ZNF503: variants seen among roughly 807,000 people sequenced by gnomAD.
ZNF503 encodes NocA-like zinc finger 2.
ZNF503 carries 15 observed loss-of-function variants against 34.4 expected under a neutral mutation model. That is an observed-to-expected ratio of 0.44 (90% confidence interval 0.29 to 0.67). ZNF503 has a LOEUF of 0.67. ZNF503 is among the 30% of genes least tolerant of loss of function. The probability of loss-of-function intolerance (pLI) is 0.13; values close to 1 mark genes in which losing one functional copy is unlikely to be tolerated. For missense variants in ZNF503, 1,007 were observed against 926.8 expected, an observed-to-expected ratio of 1.09 and a Z score of -1.12; for synonymous variants, 580 against 456.8, an observed-to-expected ratio of 1.27 and a Z score of -3.44.
At chr10:75,312,997 T>A in the ZNF503 span, among the ~76,000 whole-genome samples, 243 of 152,346 alleles carry the variant, frequency 1.6e-3, no homozygotes, top group African/African-American at 5.7e-3. Context: ...CCTGACACCA[T>A]GTAAGATGTG....
the ZNF503 span, among the ~76,000 whole-genome samples, chr10:75,322,306 T>A: frequency 6.6e-6 from 1 of 151,880 alleles, no homozygotes; most frequent in Admixed American, 6.6e-5. Context: ...TGTATTTTAG[T>A]AGAGACAGGG....
In ZNF503 at chr10:75,399,385, G is replaced by A; in HGVS notation, c.1305C>T (p.Tyr435=). ...SLCRDPYCLS[Y]HCASHLAGAA... The stretch of plus-strand genomic sequence containing the variant: ...CCCCTGCCAGGTGGCTAGCGCAGTG[G>A]TAGCTGAGGCAGTAAGGGTCCCGGC... Residue 435 remains tyrosine, a synonymous_variant, in exon 2 of 2, where the codon TAC becomes TAT. Coordinates refer to ENST00000372524, the MANE Select transcript of ZNF503 (RefSeq NM_032772.6). The A allele has an allele frequency of 1.2e-6, 2 of 1,606,368 alleles. No homozygotes were observed. Among genetic ancestry groups the A allele is most frequent in the South Asian group, 2.2e-5 (2 of 90,732 alleles).
At chr10:75,393,703 A>G (rs1454423298), downstream of ZNF503, among the ~76,000 whole-genome samples, 1 of 152,042 alleles carries the variant, frequency 6.6e-6, no homozygotes, top group Admixed American at 6.6e-5. Flanking sequence ...CTAAAACTAC[A>G]AAAAATTTAG....
chr10:75,282,781 G>A, the ZNF503 span, among the ~76,000 whole-genome samples: 6 of 152,294 alleles, frequency 3.9e-5, no homozygotes, highest in East Asian at 1.2e-3. Flanking sequence ...GTTGGGTCTT[G>A]GTGTCCTTGT....
the ZNF503 span, among the ~76,000 whole-genome samples, chr10:75,281,720 G>T: frequency 3.9e-5 from 6 of 152,152 alleles, 1 homozygote; most frequent in Non-Finnish European, 7.3e-5. Context: ...CAAAGAAGAG[G>T]CCACAGCTTG....
chr10:75,323,935 C>A, the ZNF503 span, among the ~76,000 whole-genome samples: 3 of 143,786 alleles, frequency 2.1e-5, no homozygotes, highest in East Asian at 6.1e-4. Flanking sequence ...CTGCCTCAGC[C>A]TGCAAGATTG....
chr10:75,325,659 A>G, the ZNF503 span, among the ~76,000 whole-genome samples: 3 of 152,242 alleles, frequency 2.0e-5, no homozygotes, highest in Non-Finnish European at 2.9e-5. Flanking sequence ...TAAAAAGTAT[A>G]TGGAGATTTT....
chr10:75,396,073 G>A (rs1843693059), downstream of ZNF503, among the ~76,000 whole-genome samples: 2 of 152,226 alleles, frequency 1.3e-5, no homozygotes, highest in South Asian at 2.1e-4. This position sits in a 1 kb window ranked among gnomAD's most constrained non-coding sequence, Gnocchi z 4.4. Context: ...TGGCTTTCAG[G>A]TCCTGAGCTG....
chr10:75,401,484 G>T lies in ZNF503; in HGVS notation c.-65C>A. ...CCGGGAGGCGCGGGGCGGGCTCGGG[G>T]CTGCGCGCTCGCCCCGGGAGCAGGA... On this transcript the variant is annotated 5_prime_UTR_variant, in exon 1 of 2. Transcript: ENST00000372524. 1 of 1,477,812 alleles carries T rather than the reference G, an allele frequency of 6.8e-7. No homozygotes were observed. Among genetic ancestry groups the T allele is most frequent in the Non-Finnish European group, 8.9e-7 (1 of 1,121,938 alleles). 91.5% of individuals were successfully genotyped at this position (1,477,812 alleles called of 1,614,324 possible). A position where few individuals can be genotyped will look rare whatever the true frequency, so the allele number is the denominator to read the frequency against.
the ZNF503 span, among the ~76,000 whole-genome samples, chr10:75,355,620 A>T: frequency 1.3e-5 from 2 of 152,154 alleles, no homozygotes; most frequent in Non-Finnish European, 2.9e-5. Context: ...GTGCTTGGGA[A>T]TTTCTTCAGT....
chr10:75,390,946 A>G, the ZNF503 span, among the ~76,000 whole-genome samples: 1 of 152,198 alleles, frequency 6.6e-6, no homozygotes, highest in African/African-American at 2.4e-5. Flanking sequence ...GCCTTCTTAC[A>G]TGGCCTGTCT....
chr10:75,344,399 A>T, the ZNF503 span, among the ~76,000 whole-genome samples: 1 of 152,254 alleles, frequency 6.6e-6, no homozygotes, highest in East Asian at 1.9e-4. Context: ...AAGGAAGACC[A>T]GATGGCACAG....
chr10:75,377,406 T>C, the ZNF503 span, among the ~76,000 whole-genome samples: 2 of 152,224 alleles, frequency 1.3e-5, no homozygotes, highest in Non-Finnish European at 1.5e-5. Flanking sequence ...ATTTCATTCG[T>C]TGGTCTAATC....
At chr10:75,386,372 G>A in the ZNF503 span, among the ~76,000 whole-genome samples, 1 of 152,172 alleles carries the variant, frequency 6.6e-6, no homozygotes, top group Admixed American at 6.5e-5. Context: ...CATTACCTGA[G>A]AGAGAAATGT....
the ZNF503 span, among the ~76,000 whole-genome samples, chr10:75,370,975 C>T: frequency 6.6e-6 from 1 of 152,074 alleles, no homozygotes; most frequent in Non-Finnish European, 1.5e-5. Flanking sequence ...AAAGAGATGT[C>T]CTGGCTTTCG....
chr10:75,288,927 AG>A, the ZNF503 span, among the ~76,000 whole-genome samples: 1 of 152,008 alleles, frequency 6.6e-6, no homozygotes, highest in Admixed American at 6.5e-5. Flanking sequence ...CGCTTGGTTG[AG>A]GGGGGCTGAT....
At chr10:75,313,651 C>T in the ZNF503 span, among the ~76,000 whole-genome samples, 1 of 152,238 alleles carries the variant, frequency 6.6e-6, no homozygotes, top group Non-Finnish European at 1.5e-5. Flanking sequence ...CCTGTGGTCC[C>T]CACTGGGCTT....
chr10:75,299,762 G>A, the ZNF503 span, among the ~76,000 whole-genome samples: 23 of 152,196 alleles, frequency 1.5e-4, 1 homozygote, highest in Non-Finnish European at 3.1e-4. Flanking sequence ...TGCCTGCCGA[G>A]CCGTGAAACC....
chr10:75,385,140 C>T, the ZNF503 span, among the ~76,000 whole-genome samples: 2 of 152,042 alleles, frequency 1.3e-5, no homozygotes, highest in East Asian at 1.9e-4. Flanking sequence ...CTTAGGGACC[C>T]GGAGGCCAGC....
Sources: allele counts gnomAD v4.1 joint callset (sites outside exome capture counted in the v4.1 genomes callset), GRCh38; gene constraint gnomAD v4.1.1; non-coding constraint Gnocchi (gnomAD v3.1); transcripts MANE v1.5; gene names NCBI Gene and HGNC (gene_info 2026-07-23, HGNC 2026-07-21).